Variants in ADAM18 observed in about 807,000 individuals in gnomAD.
ADAM18 encodes disintegrin and metalloproteinase domain-containing protein 18.
In ADAM18, 117 loss-of-function variants were observed where a neutral mutation model predicts 94.4. The observed-to-expected ratio is 1.24, with a 90% CI of 1.07 to 1.45. The LOEUF is 1.45. Ranked by LOEUF, ADAM18 falls within the 40% of genes most tolerant of loss-of-function variation. ADAM18 has a pLI of 0.00. For missense variants in ADAM18, 936 were observed against 880.0 expected (o/e 1.06, Z -0.81); for synonymous variants, 327 against 291.6 (o/e 1.12, Z -1.24).
At chr8:39,674,600 TG>T (rs1189728052) in intron 14 of ADAM18, among the ~76,000 whole-genome samples, 1 of 152,188 alleles carries the variant, frequency 6.6e-6, no homozygotes, top group African/African-American at 2.4e-5. Flanking sequence ...GTCTTTTAAC[TG>T]GGGGCATTTA....
intron 6 of ADAM18, among the ~76,000 whole-genome samples, chr8:39,618,332 G>C (rs1005409291): frequency 6.6e-6 from 1 of 152,152 alleles, no homozygotes; most frequent in African/African-American, 2.4e-5. Flanking sequence ...TTTAGTAAGG[G>C]TGGGGGTAGG....
chr8:39,597,008 G>C (rs537151390), intron 2 of ADAM18, among the ~76,000 whole-genome samples: 1 of 152,206 alleles, frequency 6.6e-6, no homozygotes, highest in East Asian at 1.9e-4. Context: ...TGTCCTTATG[G>C]ATGCACAGCC....
At chr8:39,653,045 G>A (rs777378260) in intron 12 of ADAM18, among the ~76,000 whole-genome samples, 1 of 151,950 alleles carries the variant, frequency 6.6e-6, no homozygotes, top group South Asian at 2.1e-4. Flanking sequence ...GGGTGATGGT[G>A]GTCAAAGGAT....
chr8:39,701,478 T>G (rs943298877), intron 17 of ADAM18, among the ~76,000 whole-genome samples: 2 of 152,222 alleles, frequency 1.3e-5, no homozygotes, highest in African/African-American at 4.8e-5. Context: ...TATGAATTAA[T>G]TTTTGGCTTT....
rs1165917820 is a variant in ADAM18, at chr8:39,638,535, G to C, written c.898G>C (p.Gly300Arg). The change falls in exon 10 of 20, where the codon GGT becomes CGT. Residue 300 changes from glycine to arginine, a missense_variant. Coordinates refer to ENST00000265707, the MANE Select transcript of ADAM18 (RefSeq NM_014237.3). Reference protein sequence around the residue: ...GTVCNKSYDAGIAMYPDAIGL... With the variant: ...GTVCNKSYDARIAMYPDAIGL... Reference sequence around the variant, plus strand: ...TGTATGCAATAAAAGCTATGATGCAGGTATTGCTATGGTATGTAATTTTTA... The same window carrying C: ...TGTATGCAATAAAAGCTATGATGCACGTATTGCTATGGTATGTAATTTTTA... The C allele has an allele frequency of 1.3e-6, 2 of 1,564,982 alleles. No homozygotes were observed. Among genetic ancestry groups the C allele is most frequent in the Non-Finnish European group, 1.7e-6 (2 of 1,153,078 alleles).
rs112197313 is a variant in ADAM18, at chr8:39,681,974, C to T, written c.1821+1748C>T. ...CATTGATGATTTTGAAAATTCTTAACTTCTCCAGACAGCAAAAGATGCTAA... is the reference window on the plus strand; with the variant it reads ...CATTGATGATTTTGAAAATTCTTAATTTCTCCAGACAGCAAAAGATGCTAA... On this transcript the variant is annotated intron_variant, in intron 16 of 19. Transcript: ENST00000265707. Among the ~76,000 whole-genome samples, 72 of 152,246 alleles carry T rather than the reference C, an allele frequency of 4.7e-4. 1 individual carries two copies. Among genetic ancestry groups the T allele is most frequent in the African/African-American group, 1.7e-3 (70 of 41,544 alleles).
intron 18 of ADAM18, among the ~76,000 whole-genome samples, chr8:39,719,715 T>TGC (rs1410020911): frequency 6.6e-6 from 1 of 151,478 alleles, no homozygotes; most frequent in African/African-American, 2.4e-5. Context: ...CACAAATAGA[T>TGC]GCTACTCATT....
intron 2 of ADAM18, among the ~76,000 whole-genome samples, chr8:39,587,243 A>G (rs545129633): frequency 1.3e-5 from 2 of 152,208 alleles, no homozygotes; most frequent in African/African-American, 2.4e-5. Flanking sequence ...GCTGAACATG[A>G]GAATGATTCT....
intron 11 of ADAM18, among the ~76,000 whole-genome samples, chr8:39,646,438 T>C (rs1820379495): frequency 6.6e-6 from 1 of 152,214 alleles, no homozygotes; most frequent in Non-Finnish European, 1.5e-5. Flanking sequence ...TTTAATGATA[T>C]ATTTTATGTA....
At chr8:39,701,421 C>T (rs1822075873) in intron 17 of ADAM18, among the ~76,000 whole-genome samples, 1 of 151,690 alleles carries the variant, frequency 6.6e-6, no homozygotes, top group Non-Finnish European at 1.5e-5. Context: ...CTCTTTATTT[C>T]TTATATTTCA....
intron 18 of ADAM18, among the ~76,000 whole-genome samples, chr8:39,718,562 G>T (rs1330253654): frequency 6.6e-6 from 1 of 151,330 alleles, no homozygotes; most frequent in Non-Finnish European, 1.5e-5. Context: ...AGTATGATGG[G>T]GTGGAAAATT....
At chr8:39,609,647 T>C in intron 5 of ADAM18, 86 bp downstream of exon 5, 1 of 913,902 alleles carries the variant, frequency 1.1e-6, no homozygotes, top group Non-Finnish European at 1.7e-6. Context: ...ACACAAATCA[T>C]GGAAGTTTAA....
intron 6 of ADAM18, among the ~76,000 whole-genome samples, chr8:39,626,498 T>A (rs1819771872): frequency 6.6e-6 from 1 of 152,098 alleles, no homozygotes; most frequent in Non-Finnish European, 1.5e-5. Flanking sequence ...AGATTTAAAT[T>A]GTCAATTTGT....
chr8:39,658,198 T>C (rs929331725), intron 12 of ADAM18, among the ~76,000 whole-genome samples: 5 of 152,150 alleles, frequency 3.3e-5, no homozygotes, highest in African/African-American at 1.2e-4. Context: ...CCTTAAATTG[T>C]TTTATTAATA....
chr8:39,661,632 A>G (rs954680690), intron 12 of ADAM18, among the ~76,000 whole-genome samples: 1 of 152,074 alleles, frequency 6.6e-6, no homozygotes, highest in Admixed American at 6.5e-5. Context: ...ACTATAAAAC[A>G]GTATCAGTAC....
rs193302682 is a variant in ADAM18, at chr8:39,638,868, A to G, written c.909+322A>G. 8.5e-4 allele frequency among the ~76,000 whole-genome samples: 129 copies of G among 152,024 alleles called. 1 individual carries two copies. In the Middle Eastern group the frequency reaches 0.024, roughly 28 times the overall value. ...TTAAAGCCTCCTGCACATTTCCTCC[A>G]AGTTCAATAAATAGCAAAAATCATG... On this transcript the variant is annotated intron_variant, in intron 10 of 19. Coordinates refer to ENST00000265707, the MANE Select transcript of ADAM18 (RefSeq NM_014237.3).
intron 14 of ADAM18, among the ~76,000 whole-genome samples, 193 bp from the exon 15 acceptor site, chr8:39,677,238 A>G (rs762519612): frequency 6.6e-6 from 1 of 152,232 alleles, no homozygotes; most frequent in Admixed American, 6.5e-5. Flanking sequence ...ATTGCAATAG[A>G]TATAATCATT....
intron 14 of ADAM18, among the ~76,000 whole-genome samples, chr8:39,669,373 T>C (rs1327440187): frequency 6.6e-6 from 1 of 151,522 alleles, no homozygotes; most frequent in East Asian, 1.9e-4. Context: ...TGCAGGTTTG[T>C]TATATATGTA....
At chr8:39,729,776 T>C in intron 19 of ADAM18, 122 bp from the exon 20 acceptor site, 1 of 724,946 alleles carries the variant, frequency 1.4e-6, no homozygotes. Context: ...TTATCTATAA[T>C]AATCTTTGAT....
Sources: gnomAD v4.1 joint callset for allele counts (sites outside exome capture counted in the v4.1 genomes callset) on GRCh38, gnomAD v4.1.1 for gene constraint, MANE v1.5 for transcripts, NCBI Gene and HGNC (gene_info 2026-07-23, HGNC 2026-07-21) for gene names.